Variants in TBCD observed in about 807,000 individuals in gnomAD.
TBCD encodes tubulin-specific chaperone D.
In TBCD, 105 loss-of-function variants were observed where a neutral mutation model predicts 169.3. That is an observed-to-expected ratio of 0.62 (90% CI 0.53 to 0.73). The LOEUF (loss-of-function observed/expected upper bound fraction) is 0.73, where lower values mean the gene tolerates loss of function less well. Ranked by LOEUF, TBCD falls within the 30% of genes least tolerant of loss-of-function variation. TBCD has a pLI of 0.00. For synonymous variants in TBCD, 700 were observed against 643.9 expected (o/e 1.09, Z -1.32); for missense variants, 1,444 against 1,600.1 (o/e 0.90, Z 1.66).
At chr17:82,888,495 T>A (rs2058906676) in intron 15 of TBCD, among the ~76,000 whole-genome samples, 1 of 152,280 alleles carries the variant, frequency 6.6e-6, no homozygotes, top group Non-Finnish European at 1.5e-5. Context: ...TGGCGGGTTT[T>A]GTTTCTTACT....
chr17:82,863,827 A>G (rs1489511905), intron 13 of TBCD, among the ~76,000 whole-genome samples: 2 of 152,168 alleles, frequency 1.3e-5, no homozygotes, highest in Non-Finnish European at 2.9e-5. Context: ...CTGATAGCAG[A>G]GGTGGGTGAT....
In TBCD at chr17:82,945,359, C is replaced by G. The variant is rs1185650638; in HGVS notation, c.*2896C>G. The G allele has an allele frequency of 6.6e-6, 1 of 152,170 alleles. No individual in the cohort carries two copies. The highest frequency in any genetic ancestry group is 1.5e-5 in the Non-Finnish European group (1 of 68,032). The allele number at this position is 152,170 out of a possible 1,614,324, so 9.4% of individuals were successfully genotyped here. A position where few individuals can be genotyped will look rare whatever the true frequency, so the allele number is the denominator to read the frequency against. On this transcript the variant is annotated 3_prime_UTR_variant, in exon 39 of 39. Transcript: ENST00000355528. ...GATGCAGATATTCCATACTGACATG[C>G]AACAGTCCCCAGATACAGAAGCCTA...
In TBCD at chr17:82,880,927, C is replaced by CCTTCCA. The variant is rs141145974; in HGVS notation, c.1476-3218_1476-3217insCTTCCA. 0.1 allele frequency among the ~76,000 whole-genome samples: 15,284 copies of CCTTCCA among 152,032 alleles called. 1,030 individuals are homozygous for CCTTCCA. Among genetic ancestry groups the CCTTCCA allele is most frequent in the South Asian group, 0.29 (1,374 of 4,816 alleles). On this transcript the variant is annotated intron_variant, in intron 14 of 38. Coordinates refer to ENST00000355528, the MANE Select transcript of TBCD (RefSeq NM_005993.5). The surrounding 1 kb of genome is among the most constrained non-coding windows in gnomAD (Gnocchi z 5.0). ...ACTTTGGATGGCTCCAGGCGGAACT[C>CCTTCCA]GGGGAAGGAGGCCGTGTACTCCCAT...
intron 13 of TBCD, among the ~76,000 whole-genome samples, chr17:82,856,468 C>T (rs545405728): frequency 4.8e-4 from 73 of 152,154 alleles, no homozygotes; most frequent in Non-Finnish European, 7.5e-4. Flanking sequence ...AAAAAACAGA[C>T]GCCCCAATGC....
At chr17:82,933,379 T>A (rs996518518) in intron 34 of TBCD, among the ~76,000 whole-genome samples, 2 of 147,452 alleles carry the variant, frequency 1.4e-5, no homozygotes, top group African/African-American at 5.0e-5. Flanking sequence ...CTCCCAAGTA[T>A]CTGGGACTAC....
At position 82,926,453 on chromosome 17, in the gene TBCD, T is replaced by C; in HGVS notation, c.2433T>C (p.Phe811=). The change falls in exon 28 of 39, where the codon TTT becomes TTC. Residue 811 remains phenylalanine, a synonymous_variant. Transcript: ENST00000355528. Reference sequence around the variant, plus strand: ...ACACTTCCCCCGAGGACGTAAGTTTTGCTGAGTCCAGGAGAGACGGCTTGA... The same window carrying C: ...ACACTTCCCCCGAGGACGTAAGTTTCGCTGAGTCCAGGAGAGACGGCTTGA... ...VTHTSPEDVS[F]AESRRDGLKA... The C allele has an allele frequency of 6.2e-7, 1 of 1,614,036 alleles. No homozygotes were observed. The highest frequency in any genetic ancestry group is 8.5e-7 in the Non-Finnish European group (1 of 1,179,892).
chr17:82,779,826 C>T (rs2048829273), intron 6 of TBCD, among the ~76,000 whole-genome samples: 1 of 152,148 alleles, frequency 6.6e-6, no homozygotes, highest in African/African-American at 2.4e-5. Context: ...TTCCACGTCT[C>T]ACCTTGCCTG....
intron 13 of TBCD, among the ~76,000 whole-genome samples, chr17:82,848,012 C>A (rs1185198109): frequency 1.3e-5 from 2 of 152,192 alleles, no homozygotes; most frequent in Non-Finnish European, 2.9e-5. Context: ...CTGTCTGTTG[C>A]CCCTTTTTCC....
rs760183224 is a variant in TBCD, at chr17:82,900,616, C to G, written c.1650-35C>G. The G allele has an allele frequency of 1.9e-6, 3 of 1,569,082 alleles. No individual in the cohort carries two copies. The African/African-American group carries it at 4.1e-5, about 21-fold the overall frequency. On this transcript the variant is annotated intron_variant, in intron 17 of 38. Transcript: ENST00000355528. ...CACAGGCAGTGAGTTCTCGTTCTTC[C>G]GCGTCTCACCACCTCTCCATGCTGT...
At chr17:82,928,488 C>T (rs1011757323) in intron 30 of TBCD, among the ~76,000 whole-genome samples, 4 of 151,896 alleles carry the variant, frequency 2.6e-5, no homozygotes, top group Non-Finnish European at 4.4e-5. Context: ...GTCTCTCTGT[C>T]GGGGGCACTG....
rs2060432683 is a variant in TBCD at position 82,908,992 on chromosome 17, A to G, written c.1984-293A>G. ...ACAAGAGGCTGCCTGGGTGGGTTCT[A>G]CGTCGGTCTCTGGGGCCAGAATGCA... is the stretch of plus-strand genomic sequence containing the variant. On this transcript the variant is annotated intron_variant, in intron 21 of 38. Transcript: ENST00000355528. Among the ~76,000 whole-genome samples, 3 of 152,356 alleles carry G rather than the reference A, an allele frequency of 2.0e-5. No homozygotes were observed. The South Asian group carries it at 6.2e-4, about 32-fold the overall frequency.
At chr17:82,878,161 G>T (rs985648337) in intron 14 of TBCD, among the ~76,000 whole-genome samples, 3 of 152,216 alleles carry the variant, frequency 2.0e-5, no homozygotes, top group African/African-American at 7.2e-5. Context: ...AGGCTGGTCT[G>T]CCCGGGACCC....
At chr17:82,823,510 G>A (rs1027426676) in intron 13 of TBCD, among the ~76,000 whole-genome samples, 2 of 151,992 alleles carry the variant, frequency 1.3e-5, no homozygotes, top group Non-Finnish European at 2.9e-5. Flanking sequence ...TGTGTGTTTC[G>A]TGTTGCACTC....
At chr17:82,826,240 T>A (rs1272224253) in intron 13 of TBCD, among the ~76,000 whole-genome samples, 1 of 152,122 alleles carries the variant, frequency 6.6e-6, no homozygotes, top group Non-Finnish European at 1.5e-5. Flanking sequence ...TTTTATTATT[T>A]TTTTAACTAT....
At chr17:82,777,622 T>G (rs2144209127) in intron 6 of TBCD, among the ~76,000 whole-genome samples, 1 of 152,316 alleles carries the variant, frequency 6.6e-6, no homozygotes, top group Non-Finnish European at 1.5e-5. Flanking sequence ...CAGCTTACAT[T>G]ATTATTTCTG....
intron 4 of TBCD, among the ~76,000 whole-genome samples, chr17:82,767,255 C>T (rs2459715): frequency 0.099 from 15,035 of 152,128 alleles, 2,021 homozygotes; most frequent in African/African-American, 0.3. Flanking sequence ...TGGCTTGTCT[C>T]GGCGTGGATG....
intron 27 of TBCD, among the ~76,000 whole-genome samples, chr17:82,925,696 C>T (rs2061684277): frequency 6.6e-6 from 1 of 152,188 alleles, no homozygotes; most frequent in South Asian, 2.1e-4. Flanking sequence ...GCCTCGCAGC[C>T]GCCATGCCAT....
intron 28 of TBCD, among the ~76,000 whole-genome samples, 162 bp downstream of exon 28, chr17:82,926,653 C>G (rs936908749): frequency 6.6e-6 from 1 of 152,232 alleles, no homozygotes; most frequent in Non-Finnish European, 1.5e-5. Flanking sequence ...GAGGCTCTTT[C>G]ATTCTCTTGC....
At chr17:82,820,308 G>A (rs1056018552) in intron 13 of TBCD, among the ~76,000 whole-genome samples, 1 of 152,198 alleles carries the variant, frequency 6.6e-6, no homozygotes, top group Admixed American at 6.5e-5. Context: ...ATGTATACAT[G>A]TGCTCCTTAT....
Sources: gnomAD v4.1 joint callset for allele counts (sites outside exome capture counted in the v4.1 genomes callset) on GRCh38, gnomAD v4.1.1 for gene constraint, Gnocchi (gnomAD v3.1) non-coding constraint, MANE v1.5 for transcripts, NCBI Gene and HGNC (gene_info 2026-07-23, HGNC 2026-07-21) for gene names.